Variants in RTL4 observed in about 807,000 individuals in gnomAD.
RTL4 encodes retrotransposon Gag like 4, also known as retrotransposon Gag-like protein 4.
In RTL4, 4 loss-of-function variants were observed where a neutral mutation model predicts 5.3. That is an observed-to-expected ratio of 0.75 (90% CI 0.37 to 1.72). The LOEUF is 1.72. RTL4 is among the 40% of genes most tolerant of loss of function. RTL4 has a pLI of 0.04. For missense variants in RTL4, 260 were observed against 227.1 expected, an observed-to-expected ratio of 1.14 and a Z score of -0.93; for synonymous variants, 98 against 87.3, an observed-to-expected ratio of 1.12 and a Z score of -0.68.
the RTL4 span, among the ~76,000 whole-genome samples, chrX:112,366,965 A>G: frequency 9.0e-6 from 1 of 111,387 alleles, no homozygotes; most frequent in East Asian, 2.8e-4. Flanking sequence ...AGGGATAATA[A>G]ATGATAGACA....
the RTL4 span, among the ~76,000 whole-genome samples, chrX:112,370,601 G>C: frequency 9.0e-6 from 1 of 111,357 alleles, no homozygotes; most frequent in South Asian, 3.8e-4. Flanking sequence ...TGCAAGGAAG[G>C]GGGAGGCACC....
At chrX:112,392,349 TG>T in the RTL4 span, among the ~76,000 whole-genome samples, 10 of 111,601 alleles carry the variant, frequency 9.0e-5, no homozygotes, top group African/African-American at 2.3e-4. Flanking sequence ...TGTGGTATGC[TG>T]GGGGCCCACT....
the RTL4 span, among the ~76,000 whole-genome samples, chrX:112,337,746 G>T: frequency 1.1e-4 from 12 of 111,158 alleles, no homozygotes; most frequent in African/African-American, 3.6e-4. Context: ...CTGGCTTCTA[G>T]GTACCCTGAT....
At chrX:112,439,821 C>T in the RTL4 span, among the ~76,000 whole-genome samples, 185 of 111,466 alleles carry the variant, frequency 1.7e-3, no homozygotes, top group Non-Finnish European at 3.0e-3. Context: ...TGCTGGCTCC[C>T]CTTCTCTTTC....
chrX:112,306,658 A>C, the RTL4 span, among the ~76,000 whole-genome samples: 1 of 111,619 alleles, frequency 9.0e-6, no homozygotes, highest in Non-Finnish European at 1.9e-5. Flanking sequence ...GAAGGAGGGA[A>C]GCAGAGCTCC....
At chrX:112,347,059 C>T in the RTL4 span, among the ~76,000 whole-genome samples, 5 of 111,665 alleles carry the variant, frequency 4.5e-5, no homozygotes, top group African/African-American at 1.6e-4. Flanking sequence ...CAGATAAAAA[C>T]CCGTCTGAAG....
the RTL4 span, among the ~76,000 whole-genome samples, chrX:112,230,137 C>T: frequency 8.9e-6 from 1 of 112,723 alleles, no homozygotes; most frequent in African/African-American, 3.2e-5. Context: ...GTGGAGCCTA[C>T]AGAGGCAGGC....
the RTL4 span, among the ~76,000 whole-genome samples, chrX:112,148,298 A>G: frequency 3.9e-5 from 4 of 103,545 alleles, no homozygotes; most frequent in East Asian, 6.1e-4. Context: ...TCTTCTCCCA[A>G]TGTGATCTAA....
At chrX:112,323,833 A>G in the RTL4 span, among the ~76,000 whole-genome samples, 16 of 112,297 alleles carry the variant, frequency 1.4e-4, no homozygotes, top group Non-Finnish European at 2.8e-4. Flanking sequence ...TGTTCTAAAG[A>G]GTATAGCTTT....
At chrX:112,092,492 A>G in the RTL4 span, among the ~76,000 whole-genome samples, 1 of 111,502 alleles carries the variant, frequency 9.0e-6, no homozygotes, top group Non-Finnish European at 1.9e-5. Flanking sequence ...TCACTCCCAT[A>G]TCTATTCACT....
At chrX:112,278,602 G>A in the RTL4 span, among the ~76,000 whole-genome samples, 2 of 111,483 alleles carry the variant, frequency 1.8e-5, no homozygotes, top group Non-Finnish European at 3.8e-5. Flanking sequence ...GTATTACCAG[G>A]ACATATGACT....
the RTL4 span, among the ~76,000 whole-genome samples, chrX:112,433,131 G>T: frequency 9.0e-6 from 1 of 111,478 alleles, no homozygotes; most frequent in Admixed American, 9.6e-5. Context: ...TTTGGTTACT[G>T]TTGCCTTGTA....
chrX:112,373,012 A>G, the RTL4 span, among the ~76,000 whole-genome samples: 1 of 111,200 alleles, frequency 9.0e-6, no homozygotes, highest in Non-Finnish European at 1.9e-5. Context: ...ATTATTTTGT[A>G]GATTCCCCAT....
chrX:112,297,417 C>T, the RTL4 span, among the ~76,000 whole-genome samples: 3 of 111,421 alleles, frequency 2.7e-5, no homozygotes, highest in East Asian at 2.8e-4. Flanking sequence ...GAAGCAGGCG[C>T]GTCCTACACA....
chrX:112,435,147 G>A, the RTL4 span, among the ~76,000 whole-genome samples: 2 of 111,369 alleles, frequency 1.8e-5, no homozygotes, highest in Non-Finnish European at 3.8e-5. Context: ...TGGGGATTAT[G>A]AGAATTACAA....
the RTL4 span, among the ~76,000 whole-genome samples, chrX:112,147,380 C>A: frequency 1.6e-4 from 18 of 110,839 alleles, no homozygotes; most frequent in African/African-American, 5.3e-4. Context: ...TCCTAGAATT[C>A]AGATTCTCAG....
chrX:112,352,379 C>T, the RTL4 span, among the ~76,000 whole-genome samples: 1 of 111,055 alleles, frequency 9.0e-6, no homozygotes, highest in East Asian at 2.8e-4. Context: ...CCAAGTCAAT[C>T]CTCAGCCAAA....
the RTL4 span, among the ~76,000 whole-genome samples, chrX:112,436,885 C>T: frequency 9.0e-6 from 1 of 111,406 alleles, no homozygotes; most frequent in East Asian, 2.8e-4. Context: ...CCAGGAGCCT[C>T]AGTGGCAGTC....
chrX:112,183,662 G>A, the RTL4 span, among the ~76,000 whole-genome samples: 2 of 111,705 alleles, frequency 1.8e-5, no homozygotes, highest in Admixed American at 9.5e-5. Context: ...GATTCATAAA[G>A]CAAGTTCTTA....
Sources: allele counts gnomAD v4.1 joint callset (sites outside exome capture counted in the v4.1 genomes callset), GRCh38; gene constraint gnomAD v4.1.1; transcripts MANE v1.5; gene names NCBI Gene and HGNC (gene_info 2026-07-23, HGNC 2026-07-21).